HTATIP2: variants seen among roughly 807,000 people sequenced by gnomAD.
HTATIP2 encodes the protein protein HTATIP2.
HTATIP2 carries 26 observed loss-of-function variants against 24.7 expected under a neutral mutation model. The observed-to-expected ratio is 1.05, with a 90% CI of 0.77 to 1.46. The LOEUF is 1.46. Among genes scored for constraint, HTATIP2 ranks in the 40% most tolerant of loss-of-function variants. The probability of loss-of-function intolerance (pLI) is 0.00; values close to 1 mark genes in which losing one functional copy is unlikely to be tolerated. For missense variants in HTATIP2, 284 were observed against 289.6 expected, an observed-to-expected ratio of 0.98 and a Z score of 0.14; for synonymous variants, 99 against 113.2, an observed-to-expected ratio of 0.87 and a Z score of 0.79.
rs1349001067 is a variant in HTATIP2, at chr11:20,364,436, G to A, written c.195+4G>A. ...CGAGGAAGCTTATAAAAATGTGGTGGGTATTTCAGCTGGGACTCAAATGGA... is the reference window on the plus strand; with the variant it reads ...CGAGGAAGCTTATAAAAATGTGGTGAGTATTTCAGCTGGGACTCAAATGGA... On this transcript the variant is annotated splice_donor_region_variant and intron_variant, in intron 1 of 4. Coordinates refer to ENST00000451739, the MANE Select transcript of HTATIP2 (RefSeq NM_001098522.2). The A allele has an allele frequency of 6.2e-7, 1 of 1,600,198 alleles. No homozygotes were observed. Among genetic ancestry groups the A allele is most frequent in the South Asian group, 1.1e-5 (1 of 90,150 alleles).
Position 20,363,724 on chromosome 11 carries a change from C to G in HTATIP2, c.-514C>G. 1 of 1,230,854 alleles carries G rather than the reference C, an allele frequency of 8.1e-7. No individual in the cohort carries two copies. 76.2% of individuals were successfully genotyped at this position (1,230,854 alleles called of 1,614,324 possible). A position where few individuals can be genotyped will look rare whatever the true frequency, so the allele number is the denominator to read the frequency against. On this transcript the variant is annotated 5_prime_UTR_variant, in exon 1 of 5. Transcript: ENST00000451739. ...TGGGCGGGGCGAGGCAGCGTCGCCG[C>G]GAGGCCACCCGGAAGACCAAGCCGG...
At chr11:20,382,107 T>A (rs1848529136) in intron 3 of HTATIP2, 71 bp from the exon 4 acceptor site, 1 of 913,500 alleles carries the variant, frequency 1.1e-6, no homozygotes, top group East Asian at 2.4e-5. Context: ...AACCACAAAT[T>A]ATTCTCTCTT....
At chr11:20,376,845 G>A (rs1016171464) in intron 3 of HTATIP2, 128 bp downstream of exon 3, 34 of 606,698 alleles carry the variant, frequency 5.6e-5, no homozygotes, top group Non-Finnish European at 6.8e-5. Context: ...GTATGGCTAC[G>A]GGACTGCAGG....
chr11:20,379,847 T>C (rs1349052767), intron 3 of HTATIP2, among the ~76,000 whole-genome samples: 1 of 152,184 alleles, frequency 6.6e-6, no homozygotes, highest in Non-Finnish European at 1.5e-5. Flanking sequence ...ACCCCCAAGT[T>C]TGGTAATTCA....
chr11:20,378,052 A>T (rs973459837), intron 3 of HTATIP2, among the ~76,000 whole-genome samples: 13 of 152,076 alleles, frequency 8.5e-5, no homozygotes, highest in South Asian at 2.1e-4. Flanking sequence ...TGTTTTTTTA[A>T]AAAAATAGGA....
Position 20,363,793 on chromosome 11 carries a change from G to A in HTATIP2, c.-445G>A. ...GCCTCCAACCCCCCCGGTCCGACCA[G>A]GGAAGGTGGGATGCTCTGATGGCCG... On this transcript the variant is annotated 5_prime_UTR_variant, in exon 1 of 5. Transcript: ENST00000451739. 8.0e-7 allele frequency: 1 copy of A among 1,243,400 alleles called. No individual in the cohort carries two copies. 77.0% of individuals were successfully genotyped at this position (1,243,400 alleles called of 1,614,324 possible).
chr11:20,370,564 TCTAATGATCTG>T (rs772357193), intron 2 of HTATIP2, among the ~76,000 whole-genome samples: 40 of 152,358 alleles, frequency 2.6e-4, no homozygotes, highest in Admixed American at 6.5e-4. Flanking sequence ...GGCTTCTGAT[TCTAATGATCTG>T]CTCTTCTAAT....
At chr11:20,382,320 G>A in intron 4 of HTATIP2, 81 bp downstream of exon 4, 1 of 805,756 alleles carries the variant, frequency 1.2e-6, no homozygotes, top group Non-Finnish European at 2.1e-6. Flanking sequence ...TGGAAAGGCT[G>A]ACAGCTGAAA....
At chr11:20,376,420 C>T (rs1192980782) in intron 2 of HTATIP2, 160 bp from the exon 3 acceptor site, 5 of 764,026 alleles carry the variant, frequency 6.5e-6, no homozygotes, top group Non-Finnish European at 1.1e-5. Flanking sequence ...GACCTGGAGC[C>T]TTTCCCAGGG....
intron 3 of HTATIP2, among the ~76,000 whole-genome samples, chr11:20,380,585 C>T (rs1264345970): frequency 3.4e-5 from 5 of 147,094 alleles, no homozygotes; most frequent in East Asian, 4.1e-4. Context: ...GGCAGGAGAA[C>T]GGCATGAACC....
Position 20,364,088 on chromosome 11 carries a change from C to T in HTATIP2, c.-150C>T, listed in dbSNP as rs114719875. Reference sequence around the variant, plus strand: ...CGGGCGATGGCCGGGGAGCCGCGCCCCGCACGTGACTCAGCACTTTCCCCA... The same window carrying T: ...CGGGCGATGGCCGGGGAGCCGCGCCTCGCACGTGACTCAGCACTTTCCCCA... On this transcript the variant is annotated 5_prime_UTR_variant, in exon 1 of 5. Transcript: ENST00000451739. 1.9e-3 allele frequency: 2,678 copies of T among 1,378,628 alleles called. 47 individuals are homozygous for T. In the African/African-American group the frequency reaches 0.035, roughly 18 times the overall value. 85.4% of individuals were successfully genotyped at this position (1,378,628 alleles called of 1,614,324 possible).
At chr11:20,372,474 C>A (rs1231473327) in intron 2 of HTATIP2, among the ~76,000 whole-genome samples, 1 of 152,182 alleles carries the variant, frequency 6.6e-6, no homozygotes, top group Non-Finnish European at 1.5e-5. Context: ...GATATCTCTA[C>A]TGAGTGTAGT....
chr11:20,372,232 C>T (rs1338839847), intron 2 of HTATIP2, among the ~76,000 whole-genome samples: 5 of 152,186 alleles, frequency 3.3e-5, no homozygotes, highest in African/African-American at 7.2e-5. Flanking sequence ...CACAGACCAC[C>T]GTGCCTGACC....
chr11:20,376,758 C>G lies in HTATIP2; in HGVS notation c.441+41C>G, dbSNP rs375017819. On this transcript the variant is annotated intron_variant, in intron 3 of 4. Transcript: ENST00000451739. ...TGTTTTTCATACACTTTGGAGAACC[C>G]TAGCTATTTGGCAGTACTAAAGAAT... is the stretch of plus-strand genomic sequence containing the variant. The G allele has an allele frequency of 6.5e-6, 10 of 1,531,110 alleles. No homozygotes were observed. The South Asian group carries it at 9.6e-5, about 15-fold the overall frequency. The allele number at this position is 1,531,110 out of a possible 1,614,324, so 94.8% of individuals were successfully genotyped here. A position where few individuals can be genotyped will look rare whatever the true frequency, so the allele number is the denominator to read the frequency against.
chr11:20,370,985 T>C (rs1444710944), intron 2 of HTATIP2, among the ~76,000 whole-genome samples: 1 of 152,208 alleles, frequency 6.6e-6, no homozygotes, highest in African/African-American at 2.4e-5. Context: ...AAAAGAATAA[T>C]GTCATACCAT....
At chr11:20,375,568 C>T (rs1203226761) in intron 2 of HTATIP2, among the ~76,000 whole-genome samples, 1 of 152,160 alleles carries the variant, frequency 6.6e-6, no homozygotes, top group East Asian at 1.9e-4. Context: ...AAGACTGTCT[C>T]AATCAATCAA....
chr11:20,374,280 T>C (rs1848409014), intron 2 of HTATIP2, among the ~76,000 whole-genome samples: 1 of 152,256 alleles, frequency 6.6e-6, no homozygotes, highest in Admixed American at 6.5e-5. Context: ...AAAATCTGCA[T>C]GGGCGTATTG....
intron 2 of HTATIP2, among the ~76,000 whole-genome samples, chr11:20,370,777 G>A (rs541612692): frequency 4.6e-5 from 7 of 152,284 alleles, no homozygotes; most frequent in Admixed American, 1.3e-4. Context: ...AGCCTCCCAA[G>A]TAGCTGGGAC....
chr11:20,376,492 C>A, intron 2 of HTATIP2, 88 bp from the exon 3 acceptor site: 1 of 1,407,688 alleles, frequency 7.1e-7, no homozygotes, highest in Non-Finnish European at 1.0e-6. Context: ...TCCTTCTAGG[C>A]CTCCCAGCCT....
Sources: gnomAD v4.1 joint callset for allele counts (sites outside exome capture counted in the v4.1 genomes callset) on GRCh38, gnomAD v4.1.1 for gene constraint, MANE v1.5 for transcripts, NCBI Gene and HGNC (gene_info 2026-07-23, HGNC 2026-07-21) for gene names.